The following CDKL1 variants were observed in gnomAD, a reference collection of about 807,000 sequenced individuals.
CDKL1 encodes the protein cyclin dependent kinase like 1, also known as cyclin-dependent kinase-like 1.
CDKL1 carries 41 observed loss-of-function variants against 42.0 expected under a neutral mutation model. The observed-to-expected ratio is 0.98, with a 90% confidence interval of 0.76 to 1.27. The LOEUF (loss-of-function observed/expected upper bound fraction) is 1.27. Ranked by LOEUF, CDKL1 falls within the 50% of genes most tolerant of loss-of-function variation. CDKL1 has a pLI of 0.00. For missense variants in CDKL1, 394 were observed against 428.4 expected (o/e 0.92, Z 0.71); for synonymous variants, 153 against 158.6 (o/e 0.96, Z 0.26).
At chr14:50,396,491 G>C (rs896270813) in intron 1 of CDKL1, among the ~76,000 whole-genome samples, 162 bp from the exon 2 acceptor site, 1 of 152,190 alleles carries the variant, frequency 6.6e-6, no homozygotes, top group Non-Finnish European at 1.5e-5. Context: ...ATCCTAAAAC[G>C]AGCCGAGCTG....
At chr14:50,385,639 A>G (rs1555344880) in intron 2 of CDKL1, among the ~76,000 whole-genome samples, 3 of 151,902 alleles carry the variant, frequency 2.0e-5, no homozygotes, top group Non-Finnish European at 4.4e-5. Context: ...CCCCATCTCT[A>G]CTAAAAATAC....
At chr14:50,397,022 G>T (rs1286253628), upstream of CDKL1, 2 of 1,229,488 alleles carry the variant, frequency 1.6e-6, no homozygotes, top group Middle Eastern at 3.4e-4. Flanking sequence ...GAAAGGCCTC[G>T]GAGGGCCGCC....
intron 2 of CDKL1, among the ~76,000 whole-genome samples, chr14:50,394,069 T>C (rs879691044): frequency 6.6e-6 from 1 of 152,218 alleles, no homozygotes; most frequent in Non-Finnish European, 1.5e-5. Flanking sequence ...TAATGTAGTA[T>C]TGATAAAGTG....
intron 2 of CDKL1, among the ~76,000 whole-genome samples, chr14:50,382,997 T>G (rs915850412): frequency 6.6e-6 from 1 of 151,302 alleles, no homozygotes; most frequent in South Asian, 2.1e-4. Flanking sequence ...GCACGATCTC[T>G]GCTCACTGCA....
rs12434461 is a variant in CDKL1 at position 50,385,544 on chromosome 14, A to G, written c.168+10157T>C. The stretch of plus-strand genomic sequence containing the variant: ...CAATGGGCCAGGCGTGGTGGCTCAC[A>G]CCTGTAATCCCAGCACTTTGGGAGG... On this transcript the variant is annotated intron_variant, in intron 2 of 9. Transcript: ENST00000395834. 6.3e-3 allele frequency among the ~76,000 whole-genome samples: 960 copies of G among 152,146 alleles called. 42 individuals carry two copies. Among genetic ancestry groups the G allele is most frequent in the Admixed American group, 0.05 (756 of 15,266 alleles).
chr14:50,326,477 C>T lies in CDKL1; in HGVS notation c.*3597G>A. ...AGATTCATTGATGGAGTCAATTATG[C>T]AAAGTGGTCAGTGGTTGTTGAAGCA... On this transcript the variant is annotated 3_prime_UTR_variant, in exon 10 of 10. Coordinates refer to ENST00000395834, the MANE Select transcript of CDKL1 (RefSeq NM_004196.7). 1 of 985,268 alleles carries T rather than the reference C, an allele frequency of 1.0e-6. No individual in the cohort carries two copies. The highest frequency in any genetic ancestry group is 1.2e-6 in the Non-Finnish European group (1 of 829,886). 61.0% of individuals were successfully genotyped at this position (985,268 alleles called of 1,614,324 possible).
At chr14:50,361,795 A>T (rs936419778) in intron 2 of CDKL1, among the ~76,000 whole-genome samples, 1 of 152,238 alleles carries the variant, frequency 6.6e-6, no homozygotes, top group Non-Finnish European at 1.5e-5. Flanking sequence ...GCATGCTGGC[A>T]GCCCTGGCAG....
At position 50,330,118 on chromosome 14, in the gene CDKL1, A is replaced by C; in HGVS notation, c.1030T>G (p.Tyr344Asp). The C allele has an allele frequency of 1.9e-6, 3 of 1,610,262 alleles. No homozygotes were observed. Among genetic ancestry groups the C allele is most frequent in the Non-Finnish European group, 2.5e-6 (3 of 1,179,262 alleles). ...TAGTTAAGTTTCTTGGTATCACAGT[A>C]GTACTTCTTATTATCCAAAGCTGGA... ...ILPALDNKKY[Y>D]CDTKKLNYRF... is the part of the protein sequence containing the mutation. Residue 344 changes from tyrosine to aspartate, a missense_variant, in exon 10 of 10, where the codon TAC becomes GAC. Coordinates refer to ENST00000395834, the MANE Select transcript of CDKL1 (RefSeq NM_004196.7).
At chr14:50,371,652 A>G (rs2034593468) in intron 2 of CDKL1, among the ~76,000 whole-genome samples, 2 of 152,334 alleles carry the variant, frequency 1.3e-5, no homozygotes, top group African/African-American at 4.8e-5. Context: ...AGGCGCAGCC[A>G]TGGCTGTGTG....
intron 2 of CDKL1, among the ~76,000 whole-genome samples, chr14:50,369,706 C>T (rs1055047458): frequency 6.6e-6 from 1 of 151,670 alleles, no homozygotes; most frequent in African/African-American, 2.4e-5. Context: ...GCAATCTCAG[C>T]CTCCTGGGTT....
intron 2 of CDKL1, among the ~76,000 whole-genome samples, chr14:50,373,288 C>T (rs573988498): frequency 6.6e-5 from 10 of 152,062 alleles, no homozygotes; most frequent in African/African-American, 2.4e-4. Context: ...AAGAAAAAGA[C>T]GACCCAGTGG....
intron 3 of CDKL1, among the ~76,000 whole-genome samples, chr14:50,345,969 C>T (rs1040582125): frequency 1.3e-5 from 2 of 152,132 alleles, no homozygotes; most frequent in African/African-American, 2.4e-5. Flanking sequence ...GTGTAAGAAA[C>T]GAACCACAGA....
At chr14:50,389,604 C>T (rs1346317256) in intron 2 of CDKL1, among the ~76,000 whole-genome samples, 1 of 152,116 alleles carries the variant, frequency 6.6e-6, no homozygotes, top group African/African-American at 2.4e-5. Context: ...TCCCCTCACA[C>T]TTATTCTCAT....
chr14:50,382,969 C>T (rs2034963235), intron 2 of CDKL1, among the ~76,000 whole-genome samples: 1 of 151,200 alleles, frequency 6.6e-6, no homozygotes, highest in African/African-American at 2.4e-5. Context: ...GCTCTGTTGC[C>T]CAGGCTGGAG....
At chr14:50,342,984 G>C in intron 4 of CDKL1, 1 of 1,355,930 alleles carries the variant, frequency 7.4e-7, no homozygotes, top group South Asian at 1.2e-5. Context: ...CTCGAGATGC[G>C]GCCCCCCCTC....
intron 2 of CDKL1, among the ~76,000 whole-genome samples, chr14:50,382,647 T>G (rs1017605724): frequency 6.8e-6 from 1 of 146,130 alleles, no homozygotes; most frequent in African/African-American, 2.5e-5. Flanking sequence ...CAGGTGGGAG[T>G]GCAGTGACTC....
chr14:50,368,141 G>T (rs1166139471), intron 2 of CDKL1, among the ~76,000 whole-genome samples: 2 of 152,064 alleles, frequency 1.3e-5, no homozygotes, highest in Admixed American at 1.3e-4. Context: ...AAAATTTTGT[G>T]TAGTGACAGG....
At chr14:50,349,954 A>G (rs11570822) in intron 3 of CDKL1, among the ~76,000 whole-genome samples, 3,480 of 152,272 alleles carry the variant, frequency 0.023, 146 homozygotes, top group African/African-American at 0.079. Context: ...TTTTTAGTAG[A>G]GATGGGGTTT....
chr14:50,373,021 A>AT (rs1405883568), intron 2 of CDKL1, among the ~76,000 whole-genome samples: 3 of 152,164 alleles, frequency 2.0e-5, no homozygotes, highest in Admixed American at 1.3e-4. Flanking sequence ...TATATGGGAC[A>AT]TTTTGTGGTT....
Sources: gnomAD v4.1 joint callset for allele counts (sites outside exome capture counted in the v4.1 genomes callset) on GRCh38, gnomAD v4.1.1 for gene constraint, MANE v1.5 for transcripts, NCBI Gene and HGNC (gene_info 2026-07-23, HGNC 2026-07-21) for gene names.